Variants in TASP1 observed in about 807,000 individuals in gnomAD.
TASP1 encodes threonine aspartase 1.
Under a neutral mutation model 56.6 loss-of-function variants are expected in TASP1, and 16 were observed. That is an observed-to-expected ratio of 0.28 (90% CI 0.19 to 0.43). TASP1 has a LOEUF of 0.43. Among genes scored for constraint, TASP1 ranks in the 20% least tolerant of loss-of-function variants. The probability of loss-of-function intolerance (pLI) is 1.00; values close to 1 mark genes in which losing one functional copy is unlikely to be tolerated. For missense variants in TASP1, 393 were observed against 511.6 expected, an observed-to-expected ratio of 0.77 and a Z score of 2.24; for synonymous variants, 179 against 184.2, an observed-to-expected ratio of 0.97 and a Z score of 0.23.
the TASP1 span, among the ~76,000 whole-genome samples, chr20:13,214,521 A>G: frequency 1.1e-4 from 6 of 52,688 alleles, no homozygotes; most frequent in Non-Finnish European, 1.6e-4. Context: ...AGAGACAGGC[A>G]CACACACACA....
chr20:13,271,951 T>A, the TASP1 span, among the ~76,000 whole-genome samples: 1 of 152,076 alleles, frequency 6.6e-6, no homozygotes, highest in Non-Finnish European at 1.5e-5. Flanking sequence ...GCTCATTTTT[T>A]AATTTTTTGT....
the TASP1 span, among the ~76,000 whole-genome samples, chr20:13,145,277 G>A: frequency 5.9e-5 from 9 of 152,142 alleles, 1 homozygote; most frequent in South Asian, 6.2e-4. Flanking sequence ...GCTGATAAAC[G>A]ACTTCAGCAA....
chr20:13,458,140 T>C (rs2146331980), intron 11 of TASP1, among the ~76,000 whole-genome samples: 1 of 152,188 alleles, frequency 6.6e-6, no homozygotes, highest in African/African-American at 2.4e-5. Flanking sequence ...ATCTAGTGTG[T>C]AAACAAAAAG....
At chr20:13,618,047 G>A (rs1006488620) in intron 4 of TASP1, among the ~76,000 whole-genome samples, 1 of 151,902 alleles carries the variant, frequency 6.6e-6, no homozygotes, top group African/African-American at 2.4e-5. Context: ...CTGGGCTGGG[G>A]TCCGCTCACA....
At chr20:13,343,469 CAG>C in the TASP1 span, among the ~76,000 whole-genome samples, 1 of 152,242 alleles carries the variant, frequency 6.6e-6, no homozygotes, top group Non-Finnish European at 1.5e-5. Flanking sequence ...CATACCCAGA[CAG>C]AGGGACAAGG....
At chr20:13,252,743 G>A in the TASP1 span, among the ~76,000 whole-genome samples, 3 of 151,756 alleles carry the variant, frequency 2.0e-5, no homozygotes, top group African/African-American at 4.8e-5. Flanking sequence ...GCAACAGAGC[G>A]AGACTCTGTC....
intron 11 of TASP1, among the ~76,000 whole-genome samples, chr20:13,440,794 A>G (rs938691457): frequency 1.3e-5 from 2 of 152,252 alleles, no homozygotes; most frequent in Middle Eastern, 3.4e-3. Flanking sequence ...AGTTTCAGAG[A>G]GGTTCAATGA....
chr20:13,167,844 G>A, the TASP1 span: 5 of 152,248 alleles, frequency 3.3e-5, no homozygotes, highest in South Asian at 2.1e-4. Context: ...GCCTTCCTGC[G>A]TGATTCTAAT....
chr20:13,449,546 T>C (rs890541712), intron 11 of TASP1, among the ~76,000 whole-genome samples: 2 of 152,082 alleles, frequency 1.3e-5, no homozygotes, highest in Non-Finnish European at 2.9e-5. Flanking sequence ...TTTAAGTAAG[T>C]AAATAAATAA....
rs6134934 is a variant in TASP1, at chr20:13,604,529, C to T, written c.283-17159G>A. On this transcript the variant is annotated intron_variant, in intron 4 of 13. Coordinates refer to ENST00000337743, the MANE Select transcript of TASP1 (RefSeq NM_017714.3). ...GCAGAGCCAAGAGCCAAATAAACCT[C>T]TTTTCTTTATAAATTATCCAGCCTC... is the stretch of plus-strand genomic sequence containing the variant. Among the ~76,000 whole-genome samples, 47 of 152,302 alleles carry T rather than the reference C, an allele frequency of 3.1e-4. No homozygotes were observed. In the East Asian group the frequency reaches 8.9e-3, roughly 29 times the overall value.
intron 10 of TASP1, among the ~76,000 whole-genome samples, chr20:13,521,204 A>G (rs1258658020): frequency 2.0e-5 from 3 of 152,176 alleles, no homozygotes; most frequent in Non-Finnish European, 4.4e-5. Flanking sequence ...ACCATTGTGG[A>G]AGTCAGTGTG....
At chr20:13,305,432 C>A in the TASP1 span, among the ~76,000 whole-genome samples, 83 of 152,198 alleles carry the variant, frequency 5.5e-4, no homozygotes, top group East Asian at 0.016. Context: ...TCCCGACACA[C>A]AAAGAGTTAT....
intron 11 of TASP1, among the ~76,000 whole-genome samples, chr20:13,439,144 G>A (rs868042276): frequency 6.6e-6 from 1 of 152,154 alleles, no homozygotes; most frequent in Non-Finnish European, 1.5e-5. Context: ...GACCCAGCCA[G>A]CCCATTACTG....
the TASP1 span, among the ~76,000 whole-genome samples, chr20:13,362,254 C>T: frequency 2.6e-5 from 4 of 151,342 alleles, no homozygotes; most frequent in Admixed American, 1.3e-4. Flanking sequence ...GGCCTCTGAG[C>T]CCAAGCCAAG....
chr20:13,240,801 G>C, the TASP1 span, among the ~76,000 whole-genome samples: 5,527 of 152,272 alleles, frequency 0.036, 170 homozygotes, highest in African/African-American at 0.077. Context: ...TTCTGAGACA[G>C]AGCCAACAGG....
chr20:13,443,637 G>A (rs73901174), intron 11 of TASP1, among the ~76,000 whole-genome samples: 1,567 of 152,264 alleles, frequency 0.01, 31 homozygotes, highest in African/African-American at 0.035. Flanking sequence ...TGTAAATCCA[G>A]ACTATACACA....
At chr20:13,221,672 G>A in the TASP1 span, 3 of 1,020,208 alleles carry the variant, frequency 2.9e-6, no homozygotes, top group African/African-American at 5.1e-5. Flanking sequence ...AGCCGAGGCG[G>A]GAGCCGCGCT....
At chr20:13,468,865 G>GTTTT (rs59010427) in intron 11 of TASP1, among the ~76,000 whole-genome samples, 6 of 142,670 alleles carry the variant, frequency 4.2e-5, no homozygotes, top group Admixed American at 1.4e-4. Context: ...ATGTGTGTGT[G>GTTTT]TTTTTTTTTT....
chr20:13,473,288 G>A (rs901521789), intron 11 of TASP1, among the ~76,000 whole-genome samples: 5 of 150,756 alleles, frequency 3.3e-5, no homozygotes, highest in Admixed American at 6.6e-5. Flanking sequence ...ACTGAACAAT[G>A]AGAACACATG....
Sources: gnomAD v4.1 joint callset for allele counts (sites outside exome capture counted in the v4.1 genomes callset) on GRCh38, gnomAD v4.1.1 for gene constraint, MANE v1.5 for transcripts, NCBI Gene and HGNC (gene_info 2026-07-23, HGNC 2026-07-21) for gene names.